The following IL18 variants were observed in gnomAD, a reference collection of about 807,000 sequenced individuals.
The protein encoded by IL18 is interleukin 18, also known as interleukin-18.
In IL18, 8 loss-of-function variants were observed where a neutral mutation model predicts 14.2. The ratio of observed to expected loss-of-function variants is 0.56; its 90% CI spans 0.33 to 1.01. IL18 has a LOEUF of 1.01. IL18 is among the 50% of genes least tolerant of loss of function. The probability of loss-of-function intolerance (pLI) is 0.03; values close to 1 mark genes in which losing one functional copy is unlikely to be tolerated. For missense variants in IL18, 166 were observed against 231.1 expected (o/e 0.72, Z 1.83); for synonymous variants, 67 against 71.0 (o/e 0.94, Z 0.28).
Position 112,143,897 on chromosome 11 carries a change from C to G in IL18, c.361-80G>C, listed in dbSNP as rs1866290499. 3.3e-6 allele frequency: 3 copies of G among 902,656 alleles called. No individual in the cohort carries two copies. In the East Asian group the frequency reaches 7.7e-5, roughly 23 times the overall value. 55.9% of individuals were successfully genotyped at this position (902,656 alleles called of 1,614,324 possible). On this transcript the variant is annotated intron_variant, in intron 5 of 5. Transcript: ENST00000280357. ...ATGAAGTTTGTTTTGAAGTATATTA[C>G]CAAACAGAACAAAAGTAGTTTTGCT...
chr11:112,150,275 T>A, intron 3 of IL18, 69 bp from the exon 4 acceptor site: 1 of 1,065,770 alleles, frequency 9.4e-7, no homozygotes, highest in Non-Finnish European at 1.4e-6. Flanking sequence ...AAGTATGCTA[T>A]ATATTTTAGT....
chr11:112,162,087 G>A (rs1364698524), intron 1 of IL18, among the ~76,000 whole-genome samples: 2 of 152,144 alleles, frequency 1.3e-5, no homozygotes, highest in Non-Finnish European at 2.9e-5. Context: ...TTGAAGAGGT[G>A]AGAGTAGCAG....
intron 1 of IL18, among the ~76,000 whole-genome samples, chr11:112,161,842 T>C (rs986491082): frequency 1.3e-5 from 2 of 152,184 alleles, no homozygotes; most frequent in African/African-American, 4.8e-5. Flanking sequence ...GATTAAAAGT[T>C]AAAATGCCTT....
intron 1 of IL18, among the ~76,000 whole-genome samples, chr11:112,155,806 C>A (rs1011025780): frequency 6.6e-6 from 1 of 152,106 alleles, no homozygotes; most frequent in Non-Finnish European, 1.5e-5. Flanking sequence ...AATAGGAGTT[C>A]TCAGTGTGAG....
At chr11:112,145,651 A>T (rs895238272) in intron 5 of IL18, among the ~76,000 whole-genome samples, 1 of 152,136 alleles carries the variant, frequency 6.6e-6, no homozygotes, top group Non-Finnish European at 1.5e-5. Flanking sequence ...AGGCAGGAGA[A>T]TGGCGTGAAC....
intron 3 of IL18, chr11:112,151,124 T>G (rs1202424765): frequency 1.3e-5 from 2 of 152,218 alleles, no homozygotes; most frequent in Non-Finnish European, 2.9e-5. Flanking sequence ...GGAATGCTTA[T>G]GGGAACATTG....
At chr11:112,156,891 G>A (rs1866544088) in intron 1 of IL18, among the ~76,000 whole-genome samples, 1 of 151,008 alleles carries the variant, frequency 6.6e-6, no homozygotes, top group Admixed American at 6.6e-5. Flanking sequence ...TTACAATTTA[G>A]AATTATCACC....
At chr11:112,155,378 T>C (rs894426902) in intron 1 of IL18, among the ~76,000 whole-genome samples, 1 of 152,204 alleles carries the variant, frequency 6.6e-6, no homozygotes. Context: ...AATATAAATA[T>C]AGTTTCACCT....
At chr11:112,161,737 T>C (rs990544931) in intron 1 of IL18, among the ~76,000 whole-genome samples, 5 of 152,172 alleles carry the variant, frequency 3.3e-5, no homozygotes, top group Admixed American at 6.5e-5. Flanking sequence ...GAGGCAGAGG[T>C]TGCAGTGAGC....
At position 112,143,614 on chromosome 11, in the gene IL18, A is replaced by T. The variant is rs1331843720; in HGVS notation, c.564T>A (p.Thr188=). Residue 188 remains threonine, a synonymous_variant, in exon 6 of 6, where the codon ACT becomes ACA. Coordinates refer to ENST00000280357, the MANE Select transcript of IL18 (RefSeq NM_001562.4). The stretch of plus-strand genomic sequence containing the variant: ...TTAATAGCTAGTCTTCGTTTTGAAC[A>T]GTGAACATTATAGATCTATCCCCCA... ...DELGDRSIMF[T]VQNED 3 of 1,610,718 alleles carry T rather than the reference A, an allele frequency of 1.9e-6. No individual in the cohort carries two copies. In the South Asian group the frequency reaches 3.3e-5, roughly 18 times the overall value.
chr11:112,144,967 G>T (rs1866310141), intron 5 of IL18, among the ~76,000 whole-genome samples: 1 of 152,226 alleles, frequency 6.6e-6, no homozygotes, highest in Non-Finnish European at 1.5e-5. Context: ...TTGCAGGATG[G>T]ATCAGAACAT....
At chr11:112,147,976 T>C (rs190513376) in intron 5 of IL18, among the ~76,000 whole-genome samples, 101 of 152,190 alleles carry the variant, frequency 6.6e-4, no homozygotes, top group African/African-American at 2.4e-3. Flanking sequence ...TAATGGAGAA[T>C]AATAGAGAAA....
intron 4 of IL18, among the ~76,000 whole-genome samples, chr11:112,149,813 T>C (rs1385494327): frequency 1.3e-5 from 2 of 152,106 alleles, no homozygotes; most frequent in Non-Finnish European, 2.9e-5. Context: ...TTTAAACAGT[T>C]AATGCAATCA....
rs746330842 is a variant in IL18, at chr11:112,143,810, T to A, written c.368A>T (p.Asn123Ile). ...TGTATCCTTGATGTTATCAGGAGGA[T>A]TCATTTCCTATAGAGAAAAAAACAT... ...ENKIISFKEMNPPDNIKDTKS... is the reference protein window; with the variant it reads ...ENKIISFKEMIPPDNIKDTKS... The change falls in exon 6 of 6, where the codon AAT (asparagine) becomes ATT (isoleucine). Residue 123 changes from asparagine (N) to isoleucine (I), a missense_variant. Transcript: ENST00000280357. The A allele has an allele frequency of 6.3e-7, 1 of 1,582,802 alleles. No individual in the cohort carries two copies. The highest frequency in any genetic ancestry group is 1.1e-5 in the South Asian group (1 of 89,010).
At chr11:112,144,043 C>T (rs1866293505) in intron 5 of IL18, among the ~76,000 whole-genome samples, 1 of 152,138 alleles carries the variant, frequency 6.6e-6, no homozygotes, top group South Asian at 2.1e-4. Flanking sequence ...CTCTAGTTTT[C>T]CCCTATACAT....
chr11:112,144,960 C>A (rs950041357), intron 5 of IL18, among the ~76,000 whole-genome samples: 1 of 152,184 alleles, frequency 6.6e-6, no homozygotes, highest in African/African-American at 2.4e-5. Flanking sequence ...GTCTATTTTG[C>A]AGGATGGATC....
In IL18 at chr11:112,143,483, T is replaced by C. The variant is rs1449680377; in HGVS notation, c.*113A>G. ...TTTTAGTAGAGATGAGGTTTCACCA[T>C]GTTGGTCAGGCTGGTCTTGAACACC... On this transcript the variant is annotated 3_prime_UTR_variant, in exon 6 of 6. Transcript: ENST00000280357. 1.6e-6 allele frequency: 1 copy of C among 638,504 alleles called. No homozygotes were observed. Among genetic ancestry groups the C allele is most frequent in the Non-Finnish European group, 2.7e-6 (1 of 369,324 alleles). The allele number at this position is 638,504 out of a possible 1,614,324, so 39.6% of individuals were successfully genotyped here.
chr11:112,154,793 G>T (rs551658084), intron 2 of IL18, among the ~76,000 whole-genome samples, 182 bp downstream of exon 2: 2 of 152,248 alleles, frequency 1.3e-5, no homozygotes, highest in Admixed American at 1.3e-4. Context: ...GGTGTGACAA[G>T]GTGCTGAGAC....
chr11:112,148,605 TA>T lies in IL18; in HGVS notation c.357del (p.Phe119LeufsTer4). The T allele has an allele frequency of 6.7e-7, 1 of 1,485,590 alleles. No homozygotes were observed. Among genetic ancestry groups the T allele is most frequent in the Non-Finnish European group, 9.0e-7 (1 of 1,106,000 alleles). The allele number at this position is 1,485,590 out of a possible 1,614,324, so 92.0% of individuals were successfully genotyped here. A position where few individuals can be genotyped will look rare whatever the true frequency, so the allele number is the denominator to read the frequency against. On this transcript the variant is annotated frameshift_variant, in exon 5 of 6. Transcript: ENST00000280357. LOFTEE classifies it low-confidence loss of function (END_TRUNC). ...AACAAAGTAAGGCTCAGTCTTACCTTAAAGGAAATAATTTTGTTCTCACAGG... is the reference window on the plus strand; with the variant it reads ...AACAAAGTAAGGCTCAGTCTTACCTTAAGGAAATAATTTTGTTCTCACAGG... ...TLSCENKIIS[F>X]KEMNPPDNIK... is the part of the protein sequence containing the mutation.
Sources: allele counts gnomAD v4.1 joint callset (sites outside exome capture counted in the v4.1 genomes callset), GRCh38; gene constraint gnomAD v4.1.1; transcripts MANE v1.5; gene names NCBI Gene and HGNC (gene_info 2026-07-23, HGNC 2026-07-21).